Variants in LNX1 observed in about 807,000 individuals in gnomAD.
LNX1 encodes E3 ubiquitin-protein ligase LNX.
Under a neutral mutation model 68.4 loss-of-function variants are expected in LNX1, and 54 were observed. That is an observed-to-expected ratio of 0.79 (90% CI 0.63 to 0.99). LNX1 has a LOEUF of 0.99. Among genes scored for constraint, LNX1 ranks in the 50% least tolerant of loss-of-function variants. The pLI, the probability that LNX1 is intolerant of heterozygous loss-of-function variation, is 0.00. For missense variants in LNX1, 906 were observed against 926.4 expected (o/e 0.98, Z 0.29); for synonymous variants, 336 against 350.0 (o/e 0.96, Z 0.45).
chr4:53,584,363 T>C (rs1032966058), intron 1 of LNX1, among the ~76,000 whole-genome samples: 4 of 152,142 alleles, frequency 2.6e-5, no homozygotes, highest in Non-Finnish European at 5.9e-5. Context: ...TTAAGTCTAA[T>C]TATGAAAACA....
rs144288492 is a variant in LNX1 at position 53,651,020 on chromosome 4, T to C, written c.-215+1148A>G. On this transcript the variant is annotated intron_variant, in intron 1 of 2. Transcript: ENST00000507168. ...AGGGATGTATTACCATCATTCTCAT[T>C]TTACATATTGGCAAGGTGAAGTTAG... 1.5e-3 allele frequency among the ~76,000 whole-genome samples: 221 copies of C among 152,252 alleles called. 1 individual carries two copies. The highest frequency in any genetic ancestry group is 5.2e-3 in the African/African-American group (214 of 41,552).
chr4:53,523,059 C>G (rs1245955620), intron 2 of LNX1: 1 of 152,090 alleles, frequency 6.6e-6, no homozygotes, highest in Non-Finnish European at 1.5e-5. Context: ...TATGAGATAC[C>G]TCAGATCAAT....
At position 53,461,124 on chromosome 4, in the gene LNX1, G is replaced by A. The variant is rs1722011666; in HGVS notation, c.2052-82C>T. On this transcript the variant is annotated intron_variant, in intron 10 of 10. Transcript: ENST00000263925. ...ATGCAAGTTTATCTTAGTGGTGCTAGATTTTGCTACATCTGACCATTTTAA... is the reference window on the plus strand; with the variant it reads ...ATGCAAGTTTATCTTAGTGGTGCTAAATTTTGCTACATCTGACCATTTTAA... The A allele has an allele frequency of 4.1e-6, 5 of 1,226,488 alleles. No homozygotes were observed. The Admixed American group carries it at 1.1e-4, about 26-fold the overall frequency. 76.0% of individuals were successfully genotyped at this position (1,226,488 alleles called of 1,614,324 possible). A position where few individuals can be genotyped will look rare whatever the true frequency, so the allele number is the denominator to read the frequency against.
intron 1 of LNX1, among the ~76,000 whole-genome samples, chr4:53,635,659 A>T (rs980875103): frequency 1.3e-5 from 2 of 152,220 alleles, no homozygotes; most frequent in East Asian, 1.9e-4. Context: ...TAATGATTCT[A>T]TGCAACTCAT....
At chr4:53,507,238 G>A in intron 4 of LNX1, 79 bp downstream of exon 4, 4 of 1,454,744 alleles carry the variant, frequency 2.7e-6, no homozygotes, top group Non-Finnish European at 3.8e-6. Flanking sequence ...AAGGTGGAAG[G>A]TGATCAGATT....
intron 2 of LNX1, among the ~76,000 whole-genome samples, chr4:53,613,899 G>A (rs1379307825): frequency 6.6e-6 from 1 of 152,154 alleles, no homozygotes; most frequent in African/African-American, 2.4e-5. Context: ...CTTCCACAAT[G>A]GTTGAACTAA....
In LNX1 at chr4:53,472,258, A is replaced by G. The variant is rs558980141; in HGVS notation, c.1892+4495T>C. The stretch of plus-strand genomic sequence containing the variant: ...AAGGACAAAAAACCAAATACTGCAT[A>G]TTCTCACTCATAGGTGGGAATTGAA... On this transcript the variant is annotated intron_variant, in intron 9 of 10. Transcript: ENST00000263925. Among the ~76,000 whole-genome samples the G allele has an allele frequency of 9.3e-3, 1,414 of 152,126 alleles. 21 individuals carry two copies. Among genetic ancestry groups the G allele is most frequent in the African/African-American group, 0.033 (1,348 of 41,458 alleles).
Position 53,583,711 on chromosome 4 carries a change from G to C in LNX1, c.-87+7677C>G, listed in dbSNP as rs111404799. Among the ~76,000 whole-genome samples the C allele has an allele frequency of 3.4e-3, 521 of 152,254 alleles. 5 individuals carry two copies. The highest frequency in any genetic ancestry group is 0.012 in the African/African-American group (500 of 41,550). Reference sequence around the variant, plus strand: ...GGAAAAACAAGGGAAGTGGTTAAGCGAAAAGAGTCCCAAGTGGCTAGACAA... The same window carrying C: ...GGAAAAACAAGGGAAGTGGTTAAGCCAAAAGAGTCCCAAGTGGCTAGACAA... On this transcript the variant is annotated intron_variant, in intron 1 of 10. Transcript: ENST00000263925.
intron 1 of LNX1, among the ~76,000 whole-genome samples, chr4:53,629,781 C>A (rs577879838): frequency 6.6e-6 from 1 of 152,228 alleles, no homozygotes; most frequent in South Asian, 2.1e-4. Flanking sequence ...ATGTGGAGGC[C>A]AACACCCCTG....
chr4:53,558,007 C>A, intron 2 of LNX1: 1 of 1,611,366 alleles, frequency 6.2e-7, no homozygotes, highest in South Asian at 1.1e-5. Flanking sequence ...CACCTTCTGT[C>A]AGCTACAAGG....
chr4:53,464,225 TG>T (rs1722467683), intron 9 of LNX1, among the ~76,000 whole-genome samples: 2 of 152,222 alleles, frequency 1.3e-5, no homozygotes, highest in Middle Eastern at 3.4e-3. Flanking sequence ...CCAATTTATA[TG>T]AACTATGACC....
chr4:53,467,315 G>A (rs1722760960), intron 9 of LNX1, among the ~76,000 whole-genome samples: 2 of 151,938 alleles, frequency 1.3e-5, no homozygotes, highest in African/African-American at 4.8e-5. Context: ...AAACAGAAAG[G>A]GCATCGACAC....
intron 9 of LNX1, among the ~76,000 whole-genome samples, chr4:53,472,880 C>G (rs1220622621): frequency 6.6e-6 from 1 of 151,912 alleles, no homozygotes; most frequent in Non-Finnish European, 1.5e-5. Flanking sequence ...TGTTGTAAAG[C>G]TGGAAAAGGC....
At position 53,498,883 on chromosome 4, in the gene LNX1, A is replaced by G. The variant is rs757471467; in HGVS notation, c.776-40T>C. 3.7e-5 allele frequency: 55 copies of G among 1,470,506 alleles called. 1 individual carries two copies. The Middle Eastern group carries it at 6.8e-4, about 18-fold the overall frequency. The allele number at this position is 1,470,506 out of a possible 1,614,324, so 91.1% of individuals were successfully genotyped here. On this transcript the variant is annotated intron_variant, in intron 4 of 10. Coordinates refer to ENST00000263925, the MANE Select transcript of LNX1 (RefSeq NM_001126328.3). ...GAGTGTTTATTTAAGACACCCACCC[A>G]ATGGACCTTTCCAACTACTCTTCTT...
chr4:53,635,353 C>T (rs1215165102), intron 1 of LNX1, among the ~76,000 whole-genome samples: 3 of 152,116 alleles, frequency 2.0e-5, no homozygotes, highest in Non-Finnish European at 4.4e-5. Flanking sequence ...AATTCCTCTT[C>T]CTTTAATTAA....
In LNX1 at chr4:53,547,335, T is replaced by C. The variant is rs539215794; in HGVS notation, c.380+26288A>G. Among the ~76,000 whole-genome samples, 4 of 152,370 alleles carry C rather than the reference T, an allele frequency of 2.6e-5. No homozygotes were observed. The East Asian group carries it at 5.8e-4, about 22-fold the overall frequency. On this transcript the variant is annotated intron_variant, in intron 2 of 10. Transcript: ENST00000263925. ...AGGGTTTCCTATGTACCAGGCACTA[T>C]ATTAAATGCTTTACATAATCTCACA...
upstream of LNX1, among the ~76,000 whole-genome samples, chr4:53,619,018 T>C (rs938760979): frequency 1.3e-5 from 2 of 152,138 alleles, no homozygotes; most frequent in African/African-American, 4.8e-5. Flanking sequence ...CCCAAAGTGC[T>C]GGGATTACAG....
In LNX1 at chr4:53,459,416, A is replaced by G. The variant is rs1419420512; in HGVS notation, c.*1491T>C. ...AAGCGGGCAGTGAGCCTGCCCCTGAACAGGAGAGCACCGAAGCTACACCTG... is the reference window on the plus strand; with the variant it reads ...AAGCGGGCAGTGAGCCTGCCCCTGAGCAGGAGAGCACCGAAGCTACACCTG... On this transcript the variant is annotated 3_prime_UTR_variant, in exon 11 of 11. Coordinates refer to ENST00000263925, the MANE Select transcript of LNX1 (RefSeq NM_001126328.3). The G allele has an allele frequency of 1.2e-6, 2 of 1,613,460 alleles. No homozygotes were observed. The highest frequency in any genetic ancestry group is 8.5e-7 in the Non-Finnish European group (1 of 1,179,692).
At chr4:53,590,900 G>C (rs139606192) in intron 1 of LNX1, among the ~76,000 whole-genome samples, 2 of 152,256 alleles carry the variant, frequency 1.3e-5, no homozygotes, top group African/African-American at 4.8e-5. Context: ...TTTGCCCTGA[G>C]GAACAGGTTT....
Sources: allele counts gnomAD v4.1 joint callset (sites outside exome capture counted in the v4.1 genomes callset), GRCh38; gene constraint gnomAD v4.1.1; transcripts MANE v1.5; gene names NCBI Gene and HGNC (gene_info 2026-07-23, HGNC 2026-07-21).